Variants in CHD6 observed in about 807,000 individuals in gnomAD.
CHD6 encodes the protein chromodomain helicase DNA binding protein 6.
A neutral mutation model predicts 276.9 loss-of-function variants in CHD6; 50 were observed. The ratio of observed to expected loss-of-function variants is 0.18; its 90% CI spans 0.14 to 0.23. The LOEUF (loss-of-function observed/expected upper bound fraction) is 0.23. CHD6 is among the 10% of genes least tolerant of loss of function. The probability of loss-of-function intolerance (pLI) is 1.00; values close to 1 mark genes in which losing one functional copy is unlikely to be tolerated. For missense variants in CHD6, 2,564 were observed against 3,365.8 expected (o/e 0.76, Z 5.89); for synonymous variants, 1,173 against 1,229.3 (o/e 0.95, Z 0.96).
At chr20:41,547,568 A>C (rs529002764) in intron 2 of CHD6, 529 of 509,874 alleles carry the variant, frequency 1.0e-3, no homozygotes, top group Admixed American at 2.4e-3. Flanking sequence ...TTGCCAAGGC[A>C]ACTAGTGACT....
Position 41,403,425 on chromosome 20 carries a change from A to G in CHD6, c.*1168T>C. On this transcript the variant is annotated 3_prime_UTR_variant, in exon 37 of 37. Transcript: ENST00000373233. ...GTTCCTAAACATGGAGAAGCTGAGG[A>G]AGAAGAGAAAATAATGTTGACTTGC... is the stretch of plus-strand genomic sequence containing the variant. The G allele has an allele frequency of 9.4e-7, 1 of 1,062,044 alleles. No homozygotes were observed. Among genetic ancestry groups the G allele is most frequent in the Non-Finnish European group, 1.1e-6 (1 of 877,152 alleles). 65.8% of individuals were successfully genotyped at this position (1,062,044 alleles called of 1,614,324 possible). A position where few individuals can be genotyped will look rare whatever the true frequency, so the allele number is the denominator to read the frequency against.
chr20:41,564,975 T>G (rs1234618924), intron 1 of CHD6, among the ~76,000 whole-genome samples: 3 of 152,130 alleles, frequency 2.0e-5, no homozygotes, highest in African/African-American at 7.2e-5. Context: ...TAGGAATAGG[T>G]AGGGCAGGCT....
At chr20:41,532,381 G>A (rs903839145) in intron 3 of CHD6, among the ~76,000 whole-genome samples, 13 of 152,182 alleles carry the variant, frequency 8.5e-5, no homozygotes, top group African/African-American at 2.2e-4. Context: ...CTGGAAATCT[G>A]TGCATACTGA....
At chr20:41,406,450 G>A (rs891568526) in intron 36 of CHD6, among the ~76,000 whole-genome samples, 3 of 152,196 alleles carry the variant, frequency 2.0e-5, no homozygotes, top group African/African-American at 7.2e-5. Context: ...GAATCCTGGG[G>A]GAGGGCAGAT....
chr20:41,501,126 A>T (rs2043820541), intron 5 of CHD6, among the ~76,000 whole-genome samples: 1 of 152,214 alleles, frequency 6.6e-6, no homozygotes, highest in Admixed American at 6.5e-5. Flanking sequence ...CCAGCTTCCT[A>T]CCTCATTTCC....
intron 7 of CHD6, chr20:41,497,875 T>A (rs2043726521): frequency 2.3e-6 from 1 of 441,394 alleles, no homozygotes; most frequent in Non-Finnish European, 4.1e-6. Flanking sequence ...TGGTTGCATA[T>A]GAGAATTGCC....
intron 1 of CHD6, among the ~76,000 whole-genome samples, chr20:41,553,738 G>T (rs967902444): frequency 1.3e-5 from 2 of 152,356 alleles, no homozygotes; most frequent in South Asian, 2.1e-4. Flanking sequence ...TCGCCTTGCT[G>T]AGAGATCTTT....
intron 27 of CHD6, among the ~76,000 whole-genome samples, chr20:41,432,685 G>C (rs2047582746): frequency 6.6e-6 from 1 of 151,926 alleles, no homozygotes; most frequent in Non-Finnish European, 1.5e-5. Context: ...AAAATGTCCA[G>C]GTTCCAATAA....
intron 1 of CHD6, among the ~76,000 whole-genome samples, chr20:41,572,609 A>G (rs1601155357): frequency 6.6e-6 from 1 of 151,806 alleles, no homozygotes; most frequent in Admixed American, 6.6e-5. Context: ...CCCAATGCGG[A>G]CTCTGCATGC....
chr20:41,477,655 C>CA (rs1406229310), intron 16 of CHD6, among the ~76,000 whole-genome samples: 1 of 152,024 alleles, frequency 6.6e-6, no homozygotes, highest in Non-Finnish European at 1.5e-5. Context: ...TTAAATCCAC[C>CA]AAAAGAACAG....
At chr20:41,442,411 C>T (rs1375439029) in intron 25 of CHD6, among the ~76,000 whole-genome samples, 1 of 152,142 alleles carries the variant, frequency 6.6e-6, no homozygotes, top group Non-Finnish European at 1.5e-5. Flanking sequence ...GTGATCACAC[C>T]ACTGTACTCC....
chr20:41,411,734 T>C (rs1230012026), intron 36 of CHD6, among the ~76,000 whole-genome samples: 7 of 152,170 alleles, frequency 4.6e-5, no homozygotes, highest in Non-Finnish European at 8.8e-5. Context: ...TCATTGCCAG[T>C]GAGGCTGGAC....
intron 1 of CHD6, among the ~76,000 whole-genome samples, chr20:41,581,506 C>T (rs2045538822): frequency 6.6e-6 from 1 of 152,014 alleles, no homozygotes; most frequent in African/African-American, 2.4e-5. Context: ...GAAACCCTGT[C>T]TCTACTAAAA....
chr20:41,589,522 G>T (rs969115997), intron 1 of CHD6, among the ~76,000 whole-genome samples: 8 of 152,140 alleles, frequency 5.3e-5, no homozygotes, highest in Admixed American at 2.6e-4. Context: ...CAGCAAAGTC[G>T]CAGGATAGAA....
At chr20:41,530,282 T>C (rs944103101) in intron 3 of CHD6, among the ~76,000 whole-genome samples, 1 of 152,112 alleles carries the variant, frequency 6.6e-6, no homozygotes, top group African/African-American at 2.4e-5. Flanking sequence ...CCACCACCAC[T>C]GTTGCCAACA....
chr20:41,583,834 T>C (rs1380548420), intron 1 of CHD6, among the ~76,000 whole-genome samples: 1 of 152,182 alleles, frequency 6.6e-6, no homozygotes, highest in Non-Finnish European at 1.5e-5. Context: ...GGTTGTGATG[T>C]ATCTTGTAAA....
chr20:41,597,074 G>C (rs1433435979), intron 1 of CHD6, among the ~76,000 whole-genome samples: 3 of 152,170 alleles, frequency 2.0e-5, no homozygotes, highest in Non-Finnish European at 4.4e-5. Context: ...CTTAAAAACA[G>C]GGAGAGAAAG....
At position 41,489,892 on chromosome 20, in the gene CHD6, A is replaced by C; in HGVS notation, c.1566T>G (p.Thr522=). ...ATGTCCGGAACTCCCGCTCCCAGTT[A>C]GTGATGGTGGAGAGAGGGGCGATAA... ...FLIIAPLSTI[T]NWEREFRTWT... is the part of the protein sequence containing the mutation. Residue 522 remains threonine, a synonymous_variant, in exon 12 of 37, where the codon ACT becomes ACG. Coordinates refer to ENST00000373233, the MANE Select transcript of CHD6 (RefSeq NM_032221.5). The C allele has an allele frequency of 6.2e-7, 1 of 1,613,896 alleles. No homozygotes were observed.
At chr20:41,488,025 G>C (rs1011915589) in intron 13 of CHD6, among the ~76,000 whole-genome samples, 3 of 152,108 alleles carry the variant, frequency 2.0e-5, no homozygotes, top group African/African-American at 7.2e-5. Flanking sequence ...GTTAATTAAA[G>C]CAACTATTCA....
Sources: gnomAD v4.1 joint callset for allele counts (sites outside exome capture counted in the v4.1 genomes callset) on GRCh38, gnomAD v4.1.1 for gene constraint, MANE v1.5 for transcripts, NCBI Gene and HGNC (gene_info 2026-07-23, HGNC 2026-07-21) for gene names.